The following LIPI variants were observed in gnomAD, a reference collection of about 807,000 sequenced individuals.
LIPI encodes the protein lipase member I.
LIPI carries 59 observed loss-of-function variants against 50.6 expected under a neutral mutation model. That is an observed-to-expected ratio of 1.16 (90% confidence interval 0.94 to 1.45). The LOEUF is 1.45. Among genes scored for constraint, LIPI ranks in the 40% most tolerant of loss-of-function variants. The pLI is 0.00. For synonymous variants in LIPI, 203 were observed against 178.2 expected, an observed-to-expected ratio of 1.14 and a Z score of -1.11; for missense variants, 586 against 536.3, an observed-to-expected ratio of 1.09 and a Z score of -0.92.
intron 9 of LIPI, among the ~76,000 whole-genome samples, chr21:14,112,863 T>C (rs1412244801): frequency 3.3e-5 from 5 of 152,296 alleles, no homozygotes; most frequent in African/African-American, 1.2e-4. Context: ...CAATGTAACT[T>C]ATTCCTAATA....
chr21:14,161,586 ATC>A (rs1251660869), intron 7 of LIPI, among the ~76,000 whole-genome samples: 12 of 118,024 alleles, frequency 1.0e-4, no homozygotes, highest in African/African-American at 3.8e-4. Flanking sequence ...TATAATATAT[ATC>A]TATATAATAT....
At position 14,187,551 on chromosome 21, in the gene LIPI, T is replaced by G. The variant is rs557509133; in HGVS notation, c.433-1482A>C. On this transcript the variant is annotated intron_variant, in intron 2 of 9. Transcript: ENST00000681601. ...TTTTATCTAATATTACAAATTTTCC[T>G]AAATATTTCTATTTAATATTCACAT... 2.4e-4 allele frequency among the ~76,000 whole-genome samples: 36 copies of G among 152,304 alleles called. 1 individual carries two copies. The highest frequency in any genetic ancestry group is 8.7e-4 in the African/African-American group (36 of 41,566).
rs1163445191 is a variant in LIPI at position 14,142,487 on chromosome 21, TTTG to T, written c.1295+2133_1295+2135del. Among the ~76,000 whole-genome samples, 18 of 149,194 alleles carry T rather than the reference TTTG, an allele frequency of 1.2e-4. No homozygotes were observed. The South Asian group carries it at 1.9e-3, about 16-fold the overall frequency. ...TATAGATAATATATTATATATATAT[TTTG>T]TTGTTGTTGTTGAGACAGTGTCCTG... On this transcript the variant is annotated intron_variant, in intron 9 of 9. Coordinates refer to ENST00000681601, the MANE Select transcript of LIPI (RefSeq NM_001302998.2).
At chr21:14,112,995 G>T (rs994954844) in intron 9 of LIPI, among the ~76,000 whole-genome samples, 1 of 152,156 alleles carries the variant, frequency 6.6e-6, no homozygotes. Flanking sequence ...GCACATAGAA[G>T]GGTCTTCTCT....
At chr21:14,165,172 A>C in intron 6 of LIPI, 51 bp downstream of exon 6, 1 of 1,346,576 alleles carries the variant, frequency 7.4e-7, no homozygotes, top group Non-Finnish European at 1.1e-6. Context: ...ACTAACAATT[A>C]TGTTATTCAT....
intron 9 of LIPI, among the ~76,000 whole-genome samples, chr21:14,138,515 G>C (rs1220425806): frequency 6.6e-6 from 1 of 151,710 alleles, no homozygotes; most frequent in Non-Finnish European, 1.5e-5. Flanking sequence ...GCAAAATTTT[G>C]GTATCCATAT....
chr21:14,109,185 G>T (rs1018596872), intron 9 of LIPI, 105 bp from the exon 10 acceptor site: 5 of 860,240 alleles, frequency 5.8e-6, no homozygotes, highest in Non-Finnish European at 7.7e-6. Context: ...CCTGTAACTA[G>T]CTAGTTCTCT....
At chr21:14,133,262 C>A (rs1418255700) in intron 9 of LIPI, among the ~76,000 whole-genome samples, 1 of 151,976 alleles carries the variant, frequency 6.6e-6, no homozygotes, top group African/African-American at 2.4e-5. Flanking sequence ...AATCAAATGC[C>A]ATAGCACATT....
chr21:14,163,929 C>T (rs1025161906), intron 6 of LIPI, among the ~76,000 whole-genome samples: 4 of 151,048 alleles, frequency 2.6e-5, no homozygotes, highest in South Asian at 2.1e-4. Context: ...TTCTCCAATA[C>T]GTATAATACA....
intron 8 of LIPI, among the ~76,000 whole-genome samples, chr21:14,145,723 TA>T (rs2017880761): frequency 6.6e-6 from 1 of 152,060 alleles, no homozygotes; most frequent in Admixed American, 6.6e-5. Flanking sequence ...AAAAGTTTTT[TA>T]AAAAATCAGT....
intron 9 of LIPI, among the ~76,000 whole-genome samples, chr21:14,114,001 C>A (rs983982951): frequency 1.3e-5 from 2 of 152,050 alleles, no homozygotes; most frequent in African/African-American, 4.8e-5. Context: ...TCCTGGCTAA[C>A]ATGGTGAAAC....
chr21:14,165,537 A>T (rs1438255685), intron 5 of LIPI, 147 bp from the exon 6 acceptor site: 3 of 614,138 alleles, frequency 4.9e-6, no homozygotes, highest in Non-Finnish European at 8.6e-6. Context: ...ATGTCAAACC[A>T]CTAAACAAAT....
chr21:14,183,435 T>A (rs1255953921), intron 3 of LIPI, among the ~76,000 whole-genome samples: 6 of 152,158 alleles, frequency 3.9e-5, no homozygotes, highest in East Asian at 3.9e-4. Flanking sequence ...CATGTCTAAA[T>A]CACCAAAAGC....
intron 4 of LIPI, among the ~76,000 whole-genome samples, chr21:14,172,088 C>G (rs569369311): frequency 1.3e-5 from 2 of 152,028 alleles, no homozygotes; most frequent in Non-Finnish European, 2.9e-5. Context: ...AAAGAAGACA[C>G]CTATGCAGCC....
intron 8 of LIPI, among the ~76,000 whole-genome samples, chr21:14,149,813 C>T (rs969968121): frequency 6.6e-6 from 1 of 152,162 alleles, no homozygotes; most frequent in Non-Finnish European, 1.5e-5. Context: ...GAGGTGAGCT[C>T]CCATAGCTTT....
chr21:14,202,663 C>A (rs1430986697), intron 1 of LIPI, among the ~76,000 whole-genome samples: 4 of 151,928 alleles, frequency 2.6e-5, no homozygotes, highest in Non-Finnish European at 4.4e-5. Flanking sequence ...CCTTCCTCAC[C>A]CCTTATACAA....
intron 9 of LIPI, among the ~76,000 whole-genome samples, chr21:14,134,361 C>G (rs751411334): frequency 1.3e-5 from 2 of 151,958 alleles, no homozygotes; most frequent in African/African-American, 4.8e-5. Flanking sequence ...TTAAAATGAC[C>G]ATACTGCCCA....
chr21:14,122,116 C>G (rs1468039764), intron 9 of LIPI, among the ~76,000 whole-genome samples: 3 of 152,172 alleles, frequency 2.0e-5, no homozygotes, highest in Non-Finnish European at 2.9e-5. Flanking sequence ...ATAGTGTAAA[C>G]TTGATCACAG....
At chr21:14,113,302 T>C (rs990075048) in intron 9 of LIPI, among the ~76,000 whole-genome samples, 1 of 152,196 alleles carries the variant, frequency 6.6e-6, no homozygotes, top group African/African-American at 2.4e-5. Context: ...ACTCAGCAGA[T>C]AAATGCATTA....
Sources: allele counts gnomAD v4.1 joint callset (sites outside exome capture counted in the v4.1 genomes callset), GRCh38; gene constraint gnomAD v4.1.1; transcripts MANE v1.5; gene names NCBI Gene and HGNC (gene_info 2026-07-23, HGNC 2026-07-21).